MAST4: variants seen among roughly 807,000 people sequenced by gnomAD.
The protein encoded by MAST4 is microtubule associated serine/threonine kinase family member 4.
MAST4 carries 89 observed loss-of-function variants against 162.7 expected under a neutral mutation model. That is an observed-to-expected ratio of 0.55 (90% CI 0.46 to 0.65). The LOEUF (loss-of-function observed/expected upper bound fraction) is 0.65, where lower values mean the gene tolerates loss of function less well. MAST4 is among the 30% of genes least tolerant of loss of function. The probability of loss-of-function intolerance (pLI) is 0.00; values close to 1 mark genes in which losing one functional copy is unlikely to be tolerated. For synonymous variants in MAST4, 1,479 were observed against 1,361.1 expected, an observed-to-expected ratio of 1.09 and a Z score of -1.91; for missense variants, 3,153 against 3,374.0, an observed-to-expected ratio of 0.93 and a Z score of 1.62.
At chr5:66,630,493 T>G (rs867845248) in intron 1 of MAST4, among the ~76,000 whole-genome samples, 9 of 152,130 alleles carry the variant, frequency 5.9e-5, no homozygotes, top group Non-Finnish European at 7.4e-5. Context: ...GGAGAGTTTG[T>G]TATAGGCAGC....
At chr5:67,011,719 A>G (rs1046194137) in intron 4 of MAST4, among the ~76,000 whole-genome samples, 8 of 152,148 alleles carry the variant, frequency 5.3e-5, no homozygotes, top group South Asian at 2.1e-4. Context: ...GGCTTACCAG[A>G]TACAAAGGAT....
intron 24 of MAST4, 113 bp downstream of exon 24, chr5:67,149,702 T>TCC (rs1378123435): frequency 1.9e-6 from 2 of 1,077,936 alleles, no homozygotes; most frequent in Non-Finnish European, 2.7e-6. Context: ...TAATAACGGG[T>TCC]CATGTCCCAG....
chr5:67,090,127 C>A (rs1471531233), intron 5 of MAST4, 35 bp from the exon 6 acceptor site: 4 of 1,393,240 alleles, frequency 2.9e-6, no homozygotes, highest in African/African-American at 2.8e-5. Context: ...TACACAAAAT[C>A]ATGTAGTAAA....
intron 3 of MAST4, among the ~76,000 whole-genome samples, chr5:66,888,138 A>G (rs1022592298): frequency 5.3e-4 from 80 of 152,358 alleles, no homozygotes; most frequent in African/African-American, 1.8e-3. Context: ...ATTAAGTGAT[A>G]TATATCTTCT....
Position 66,963,844 on chromosome 5 carries a change from C to T in MAST4, c.674+63862C>T, listed in dbSNP as rs1017576509. ...CTTTGTCTTTCTGTTGCCCCATTTCCCACCACCAGCATTTGATTACTTCAG... is the reference window on the plus strand; with the variant it reads ...CTTTGTCTTTCTGTTGCCCCATTTCTCACCACCAGCATTTGATTACTTCAG... On this transcript the variant is annotated intron_variant, in intron 4 of 28. Coordinates refer to ENST00000403625, the MANE Select transcript of MAST4 (RefSeq NM_001164664.2). The T allele has an allele frequency of 5.3e-5, 41 of 776,658 alleles. No homozygotes were observed. The African/African-American group carries it at 6.4e-4, about 12-fold the overall frequency. The allele number at this position is 776,658 out of a possible 1,614,324, so 48.1% of individuals were successfully genotyped here.
chr5:67,018,341 G>C (rs1266064643), intron 4 of MAST4, among the ~76,000 whole-genome samples: 1 of 152,100 alleles, frequency 6.6e-6, no homozygotes, highest in Non-Finnish European at 1.5e-5. Context: ...ACCAGCCTAG[G>C]CAATTTAGGG....
chr5:67,165,587 C>T lies in MAST4; in HGVS notation c.6408C>T (p.Pro2136=), dbSNP rs55846922. Residue 2136 remains proline, a synonymous_variant, in exon 29 of 29, where the codon CCC becomes CCT. Transcript: ENST00000403625. ...GGCATCCCAGCAGCATCCCTCCGCC[C>T]CCTCTGACGGCCAAAGACCTGTCCA... ...LQRHPSSIPP[P]PLTAKDLSSP... The T allele has an allele frequency of 2.5e-6, 4 of 1,613,876 alleles. No individual in the cohort carries two copies. Among genetic ancestry groups the T allele is most frequent in the Non-Finnish European group, 3.4e-6 (4 of 1,179,836 alleles).
At chr5:66,757,691 G>C (rs943507677) in intron 1 of MAST4, among the ~76,000 whole-genome samples, 10 of 152,162 alleles carry the variant, frequency 6.6e-5, no homozygotes, top group African/African-American at 2.4e-4. Context: ...CCGTGCATGT[G>C]TGAAGAGGAG....
chr5:66,730,869 A>C (rs937799762), intron 1 of MAST4, among the ~76,000 whole-genome samples: 93 of 151,732 alleles, frequency 6.1e-4, no homozygotes, highest in African/African-American at 1.9e-3. Flanking sequence ...CCCTCCCCCA[A>C]AAAAAATAGG....
chr5:67,035,855 G>A (rs1020784367), intron 4 of MAST4, among the ~76,000 whole-genome samples: 16 of 152,108 alleles, frequency 1.1e-4, no homozygotes, highest in African/African-American at 3.4e-4. Flanking sequence ...CATTTAAATC[G>A]TGTCTAGGGT....
chr5:66,649,484 A>G (rs1411755470), intron 1 of MAST4, among the ~76,000 whole-genome samples: 1 of 152,100 alleles, frequency 6.6e-6, no homozygotes, highest in Non-Finnish European at 1.5e-5. Flanking sequence ...GATGCCTTTG[A>G]TCGAATCATC....
chr5:67,035,516 T>A (rs1339909254), intron 4 of MAST4, among the ~76,000 whole-genome samples: 2 of 152,154 alleles, frequency 1.3e-5, no homozygotes, highest in Admixed American at 6.6e-5. Context: ...TGATGTAACC[T>A]TTATGATGTG....
At chr5:66,922,509 C>T (rs958430006) in intron 4 of MAST4, among the ~76,000 whole-genome samples, 1 of 152,166 alleles carries the variant, frequency 6.6e-6, no homozygotes, top group African/African-American at 2.4e-5. Flanking sequence ...TTGTGTACAT[C>T]TAAATGTTTA....
intron 4 of MAST4, among the ~76,000 whole-genome samples, chr5:66,953,428 G>A (rs1035908937): frequency 2.6e-5 from 4 of 152,122 alleles, no homozygotes; most frequent in Non-Finnish European, 5.9e-5. Flanking sequence ...AAGCAGTGGT[G>A]AAGCTTATTT....
At chr5:66,987,868 C>A (rs2150266200) in intron 4 of MAST4, among the ~76,000 whole-genome samples, 1 of 152,286 alleles carries the variant, frequency 6.6e-6, no homozygotes, top group African/African-American at 2.4e-5. Flanking sequence ...GTTAGGATTA[C>A]ACTGACTATA....
At chr5:66,676,354 T>C (rs965468660) in intron 1 of MAST4, among the ~76,000 whole-genome samples, 1 of 152,222 alleles carries the variant, frequency 6.6e-6, no homozygotes, top group Non-Finnish European at 1.5e-5. Context: ...TGACCACTAC[T>C]TGGGGCCAAC....
At chr5:66,946,717 G>T (rs1394405160) in intron 4 of MAST4, among the ~76,000 whole-genome samples, 1 of 152,134 alleles carries the variant, frequency 6.6e-6, no homozygotes, top group Admixed American at 6.5e-5. Flanking sequence ...ATGGAAGTTT[G>T]TTTTTCACGT....
In MAST4 at chr5:67,152,822, T is replaced by A; in HGVS notation, c.3481T>A (p.Tyr1161Asn). 3 of 1,614,052 alleles carry A rather than the reference T, an allele frequency of 1.9e-6. No homozygotes were observed. The South Asian group carries it at 3.3e-5, about 18-fold the overall frequency. ...YGFTIRAIRV[Y>N]VGDSDIYTVH... The stretch of plus-strand genomic sequence containing the variant: ...CTTTACCATCCGAGCCATCCGGGTG[T>A]ATGTGGGAGACAGTGACATCTATAC... Residue 1161 changes from tyrosine to asparagine, a missense_variant, in exon 25 of 29, where the codon TAT becomes AAT. This residue lies in a region of MAST4 where 619 missense variants were observed against 744.2 expected (regional missense o/e 0.83). Coordinates refer to ENST00000403625, the MANE Select transcript of MAST4 (RefSeq NM_001164664.2).
rs138736095 is a variant in MAST4 at position 66,742,899 on chromosome 5, AC to A, written c.364-16806del. On this transcript the variant is annotated intron_variant, in intron 1 of 28. Transcript: ENST00000403625. ...TCATCAAGTTGCTCACATGCTCATAACCCCGGGTGAATAGTAGAATAGGAAG... is the reference window on the plus strand; with the variant it reads ...TCATCAAGTTGCTCACATGCTCATAACCCGGGTGAATAGTAGAATAGGAAG... 3.6e-3 allele frequency among the ~76,000 whole-genome samples: 550 copies of A among 152,254 alleles called. 3 individuals are homozygous for A. The highest frequency in any genetic ancestry group is 0.013 in the African/African-American group (535 of 41,532).
Sources: allele counts gnomAD v4.1 joint callset (sites outside exome capture counted in the v4.1 genomes callset), GRCh38; gene constraint gnomAD v4.1.1; regional missense constraint gnomAD v4.1.1; transcripts MANE v1.5; gene names NCBI Gene and HGNC (gene_info 2026-07-23, HGNC 2026-07-21).